The following MAP3K8 variants were observed in gnomAD, a reference collection of about 807,000 sequenced individuals.
MAP3K8 encodes Ewing sarcoma transformant.
MAP3K8 carries 22 observed loss-of-function variants against 45.8 expected under a neutral mutation model. That is an observed-to-expected ratio of 0.48 (90% CI 0.34 to 0.69). MAP3K8 has a LOEUF of 0.69. MAP3K8 is among the 30% of genes least tolerant of loss of function. The pLI, the probability that MAP3K8 is intolerant of heterozygous loss-of-function variation, is 0.01. For missense variants in MAP3K8, 419 were observed against 585.0 expected (o/e 0.72, Z 2.93); for synonymous variants, 223 against 214.3 (o/e 1.04, Z -0.36).
chr10:30,439,265 A>G lies in MAP3K8; in HGVS notation c.327A>G (p.Leu109=). ...AACGACCACAGGAATCTGGAATTTTATTAAACATGGTACGTTTCTTTCCGA... is the reference window on the plus strand; with the variant it reads ...AACGACCACAGGAATCTGGAATTTTGTTAAACATGGTACGTTTCTTTCCGA... ...YGQRPQESGI[L]LNMVITPQNG... is the part of the protein sequence containing the mutation. The change falls in exon 3 of 9, where the codon TTA becomes TTG. Residue 109 remains leucine (L), a synonymous_variant. Coordinates refer to ENST00000263056, the MANE Select transcript of MAP3K8 (RefSeq NM_005204.4). 6.2e-7 allele frequency: 1 copy of G among 1,614,220 alleles called. No homozygotes were observed. The highest frequency in any genetic ancestry group is 2.2e-5 in the East Asian group (1 of 44,888).
chr10:30,450,564 T>C, intron 5 of MAP3K8, 45 bp downstream of exon 5: 2 of 1,584,880 alleles, frequency 1.3e-6, no homozygotes, highest in East Asian at 4.5e-5. Context: ...AAGAGACTAG[T>C]TATTCAGGAG....
chr10:30,452,266 T>G (rs1836567487), intron 6 of MAP3K8, among the ~76,000 whole-genome samples: 1 of 151,980 alleles, frequency 6.6e-6, no homozygotes, highest in Non-Finnish European at 1.5e-5. Flanking sequence ...GGTCGGGAGT[T>G]TGAGACAAGC....
At chr10:30,447,262 C>T (rs1255488148) in intron 3 of MAP3K8, among the ~76,000 whole-genome samples, 1 of 152,230 alleles carries the variant, frequency 6.6e-6, no homozygotes, top group Admixed American at 6.5e-5. Flanking sequence ...ATTCTGCCCT[C>T]ACTTAATTTA....
At chr10:30,450,114 G>C (rs1038579206) in intron 4 of MAP3K8, 144 bp from the exon 5 acceptor site, 2 of 616,270 alleles carry the variant, frequency 3.2e-6, no homozygotes, top group African/African-American at 3.7e-5. Context: ...GAACATTATT[G>C]TAACTGGGCA....
At chr10:30,443,507 C>G (rs1836188275) in intron 3 of MAP3K8, among the ~76,000 whole-genome samples, 1 of 152,180 alleles carries the variant, frequency 6.6e-6, no homozygotes, top group African/African-American at 2.4e-5. Context: ...TATTAACTCT[C>G]TCATCATCTG....
At chr10:30,439,513 A>G in intron 3 of MAP3K8, 1 of 954,134 alleles carries the variant, frequency 1.0e-6, no homozygotes, top group Non-Finnish European at 1.5e-6. Flanking sequence ...TAGGTAATTA[A>G]GAAGAATGTA....
chr10:30,460,596 T>G (rs1836902663), intron 8 of MAP3K8, 110 bp from the exon 9 acceptor site: 5 of 858,164 alleles, frequency 5.8e-6, no homozygotes, highest in Non-Finnish European at 8.8e-6. Flanking sequence ...CTTTCACGCT[T>G]AAGACACTGT....
At position 30,453,990 on chromosome 10, in the gene MAP3K8, G is replaced by GGAAA. The variant is rs374994628; in HGVS notation, c.873+2260_873+2263dup. ...AAAGGAAGGAAGGAAAGAAAAAGAA[G>GGAAA]GAAAGAAAGAAAGAAAGCATGCACA... On this transcript the variant is annotated intron_variant, in intron 6 of 8. Coordinates refer to ENST00000263056, the MANE Select transcript of MAP3K8 (RefSeq NM_005204.4). 1.9e-3 allele frequency among the ~76,000 whole-genome samples: 283 copies of GGAAA among 150,784 alleles called. 2 individuals carry two copies. Among genetic ancestry groups the GGAAA allele is most frequent in the African/African-American group, 6.1e-3 (249 of 40,490 alleles).
rs8177051 is a variant in MAP3K8, at chr10:30,440,113, A to T, written c.336+839A>T. Among the ~76,000 whole-genome samples, 1,230 of 152,382 alleles carry T rather than the reference A, an allele frequency of 8.1e-3. 10 individuals are homozygous for T. The highest frequency in any genetic ancestry group is 0.013 in the Non-Finnish European group (918 of 68,040). On this transcript the variant is annotated intron_variant, in intron 3 of 8. Coordinates refer to ENST00000263056, the MANE Select transcript of MAP3K8 (RefSeq NM_005204.4). ...TTTGCTTAATCATCGCAAGTATGCAAATCATGCAAAATATTGTGGCAACAT... is the reference window on the plus strand; with the variant it reads ...TTTGCTTAATCATCGCAAGTATGCATATCATGCAAAATATTGTGGCAACAT...
chr10:30,438,468 A>G (rs568616641), intron 2 of MAP3K8, among the ~76,000 whole-genome samples: 11 of 152,284 alleles, frequency 7.2e-5, no homozygotes, highest in African/African-American at 2.4e-4. Context: ...ATTTTTCTTT[A>G]AAGTCACCAG....
chr10:30,459,841 C>A (rs1463307017), intron 8 of MAP3K8, among the ~76,000 whole-genome samples: 2 of 151,070 alleles, frequency 1.3e-5, no homozygotes, highest in East Asian at 3.9e-4. Context: ...TCTTAACTCA[C>A]TTTTTTTTTC....
chr10:30,435,792 C>T (rs1835893212), intron 1 of MAP3K8, among the ~76,000 whole-genome samples: 1 of 152,226 alleles, frequency 6.6e-6, no homozygotes, highest in Admixed American at 6.5e-5. Flanking sequence ...GATGCACCCT[C>T]CTTGGCCTCC....
chr10:30,445,870 G>GCACATCT (rs1836309655), intron 3 of MAP3K8, among the ~76,000 whole-genome samples: 2 of 152,186 alleles, frequency 1.3e-5, no homozygotes, highest in South Asian at 4.1e-4. Flanking sequence ...TCTGTTTGTG[G>GCACATCT]GATGTGTAGC....
chr10:30,454,099 G>GC (rs1836650968), intron 6 of MAP3K8, among the ~76,000 whole-genome samples: 1 of 152,142 alleles, frequency 6.6e-6, no homozygotes, highest in African/African-American at 2.4e-5. Context: ...TGCCTCCTTG[G>GC]CCCCTCACCA....
chr10:30,440,923 G>A (rs1324716007), intron 3 of MAP3K8, among the ~76,000 whole-genome samples: 1 of 151,996 alleles, frequency 6.6e-6, no homozygotes, highest in Non-Finnish European at 1.5e-5. Flanking sequence ...TGCTTATTCC[G>A]TGGCCTATCT....
intron 6 of MAP3K8, among the ~76,000 whole-genome samples, chr10:30,455,498 A>G (rs894274868): frequency 1.3e-5 from 2 of 152,236 alleles, no homozygotes; most frequent in African/African-American, 4.8e-5. Context: ...TGTAATACAC[A>G]TCCAGGGTTA....
chr10:30,442,791 C>A (rs1287552458), intron 3 of MAP3K8, among the ~76,000 whole-genome samples: 1 of 152,000 alleles, frequency 6.6e-6, no homozygotes, highest in African/African-American at 2.4e-5. Flanking sequence ...AACTTTATAT[C>A]TATAAGTGTG....
intron 3 of MAP3K8, among the ~76,000 whole-genome samples, chr10:30,445,412 A>G (rs374838156): frequency 3.0e-4 from 45 of 152,336 alleles, no homozygotes; most frequent in African/African-American, 1.1e-3. Flanking sequence ...TCCGTCTCCA[A>G]ATAAAAACAA....
At chr10:30,454,320 G>A (rs1045870549) in intron 6 of MAP3K8, among the ~76,000 whole-genome samples, 3 of 152,266 alleles carry the variant, frequency 2.0e-5, no homozygotes, top group Admixed American at 6.5e-5. Flanking sequence ...CAAAAAAATT[G>A]TCTTCCTTTC....
Sources: allele counts gnomAD v4.1 joint callset (sites outside exome capture counted in the v4.1 genomes callset), GRCh38; gene constraint gnomAD v4.1.1; transcripts MANE v1.5; gene names NCBI Gene and HGNC (gene_info 2026-07-23, HGNC 2026-07-21).